Variants in ABCG2 observed in about 807,000 individuals in gnomAD.
ABCG2 encodes broad substrate specificity ATP-binding cassette transporter ABCG2.
Under a neutral mutation model 73.5 loss-of-function variants are expected in ABCG2, and 80 were observed. The observed-to-expected ratio is 1.09, with a 90% CI of 0.91 to 1.31. ABCG2 has a LOEUF of 1.31. Ranked by LOEUF, ABCG2 falls within the 50% of genes most tolerant of loss-of-function variation. The pLI is 0.00. For synonymous variants in ABCG2, 269 were observed against 282.4 expected, an observed-to-expected ratio of 0.95 and a Z score of 0.48; for missense variants, 796 against 786.2, an observed-to-expected ratio of 1.01 and a Z score of -0.15.
chr4:88,213,884 T>C (rs1472761907), intron 1 of ABCG2, among the ~76,000 whole-genome samples: 1 of 151,702 alleles, frequency 6.6e-6, no homozygotes, highest in Non-Finnish European at 1.5e-5. Context: ...GGTTTCACCA[T>C]GTTGGCAAGG....
At chr4:88,175,311 G>T (rs7658211) in intron 1 of ABCG2, among the ~76,000 whole-genome samples, 1 of 151,952 alleles carries the variant, frequency 6.6e-6, no homozygotes, top group Non-Finnish European at 1.5e-5. Flanking sequence ...GTATACTTCC[G>T]TTAGGAAGCT....
chr4:88,189,265 A>T (rs1728588133), intron 1 of ABCG2, among the ~76,000 whole-genome samples: 1 of 152,162 alleles, frequency 6.6e-6, no homozygotes, highest in African/African-American at 2.4e-5. Context: ...CAACTAGGCC[A>T]GGTGCAATGA....
At chr4:88,100,328 C>G (rs1722308528) in intron 11 of ABCG2, among the ~76,000 whole-genome samples, 1 of 151,968 alleles carries the variant, frequency 6.6e-6, no homozygotes, top group South Asian at 2.1e-4. Flanking sequence ...GGCGAAACCC[C>G]ATCTCTACTA....
chr4:88,163,114 C>T (rs1357738364), upstream of ABCG2, among the ~76,000 whole-genome samples: 3 of 152,142 alleles, frequency 2.0e-5, no homozygotes, highest in South Asian at 4.2e-4. Flanking sequence ...GTATTCAGTC[C>T]GAGTATATCT....
intron 5 of ABCG2, among the ~76,000 whole-genome samples, chr4:88,127,948 A>G (rs1445165121): frequency 7.4e-5 from 11 of 148,450 alleles, no homozygotes; most frequent in Non-Finnish European, 1.6e-4. Context: ...TGCACAGCAA[A>G]AAAAAAGAAA....
At chr4:88,219,950 ACTT>A (rs144099929) in intron 1 of ABCG2, among the ~76,000 whole-genome samples, 5,647 of 152,092 alleles carry the variant, frequency 0.037, 152 homozygotes, top group Non-Finnish European at 0.054. Context: ...CATCTCTAGA[ACTT>A]CTTTCATCTT....
At chr4:88,205,843 C>G (rs967858734) in intron 1 of ABCG2, among the ~76,000 whole-genome samples, 2 of 152,100 alleles carry the variant, frequency 1.3e-5, no homozygotes, top group African/African-American at 2.4e-5. Context: ...CCACCACACC[C>G]GACTAATTTT....
intron 11 of ABCG2, 122 bp from the exon 12 acceptor site, chr4:88,099,570 C>T (rs1422209862): frequency 6.9e-6 from 7 of 1,019,448 alleles, no homozygotes; most frequent in Non-Finnish European, 9.7e-6. Context: ...CTTCCCACAT[C>T]CTCAGGGCTA....
chr4:88,155,461 A>G (rs952265774), intron 1 of ABCG2, among the ~76,000 whole-genome samples: 2 of 152,214 alleles, frequency 1.3e-5, no homozygotes, highest in African/African-American at 4.8e-5. Context: ...AGGTAATGTC[A>G]TCAGTTAAGG....
In ABCG2 at chr4:88,147,754, T is replaced by C. The variant is rs569958042; in HGVS notation, c.-19-7740A>G. ...AGATTTTGACAACTCTTCTACAGAA[T>C]TTAGATTCTGGTAAGATTACTGAAC... On this transcript the variant is annotated intron_variant, in intron 1 of 15. Coordinates refer to ENST00000237612, the MANE Select transcript of ABCG2 (RefSeq NM_004827.3). 1.5e-4 allele frequency among the ~76,000 whole-genome samples: 23 copies of C among 152,300 alleles called. No individual in the cohort carries two copies. The South Asian group carries it at 4.6e-3, about 30-fold the overall frequency.
intron 10 of ABCG2, among the ~76,000 whole-genome samples, chr4:88,106,368 T>C (rs901693778): frequency 3.9e-5 from 6 of 152,146 alleles, no homozygotes; most frequent in African/African-American, 1.4e-4. Flanking sequence ...GCAACCCAAG[T>C]TTCCATCTAT....
At chr4:88,130,719 A>C in intron 5 of ABCG2, among the ~76,000 whole-genome samples, 1 of 152,144 alleles carries the variant, frequency 6.6e-6, no homozygotes, top group South Asian at 2.1e-4. Flanking sequence ...AAAAGGAGGA[A>C]GAGAAAAAGA....
At chr4:88,127,991 C>G (rs547725002) in intron 5 of ABCG2, among the ~76,000 whole-genome samples, 5 of 150,240 alleles carry the variant, frequency 3.3e-5, no homozygotes, top group Admixed American at 2.0e-4. Flanking sequence ...AGTGAACAGG[C>G]AACCTACAGA....
At chr4:88,127,697 T>C (rs1027086428) in intron 5 of ABCG2, among the ~76,000 whole-genome samples, 1 of 152,098 alleles carries the variant, frequency 6.6e-6, no homozygotes, top group Non-Finnish European at 1.5e-5. Context: ...TAATAAATGG[T>C]GCTGGGAAAA....
chr4:88,113,438 G>T lies in ABCG2; in HGVS notation c.1059C>A (p.Ser353=). ...TGATCTTCTTCTTCTTCTCACCCCC[G>T]GAAAGTTGATGTAATTCAGCTTTTG... ...KETKAELHQL[S]GGEKKKKITV... is the part of the protein sequence containing the mutation. The change falls in exon 9 of 16, where the codon TCC becomes TCA. Residue 353 remains serine, a synonymous_variant. Coordinates refer to ENST00000237612, the MANE Select transcript of ABCG2 (RefSeq NM_004827.3). 1 of 1,614,050 alleles carries T rather than the reference G, an allele frequency of 6.2e-7. No individual in the cohort carries two copies. Among genetic ancestry groups the T allele is most frequent in the South Asian group, 1.1e-5 (1 of 91,072 alleles).
chr4:88,115,078 A>AGGCCGGGCGCGGTGGCTC lies in ABCG2; in HGVS notation c.842-21_842-20insGAGCCACCGCGCCCGGCC. ...GATAACCTATGAAAGAAGGCAGCTC[A>AGGCCGGGCGCGGTGGCTC]AAAACACAAACTTGATGGTCTTGGA... On this transcript the variant is annotated intron_variant, in intron 7 of 15. Transcript: ENST00000237612. 6.5e-7 allele frequency: 1 copy of AGGCCGGGCGCGGTGGCTC among 1,537,294 alleles called. No homozygotes were observed. Among genetic ancestry groups the AGGCCGGGCGCGGTGGCTC allele is most frequent in the Non-Finnish European group, 9.0e-7 (1 of 1,113,210 alleles).
chr4:88,155,591 T>C (rs923497941), intron 1 of ABCG2, among the ~76,000 whole-genome samples: 2 of 152,206 alleles, frequency 1.3e-5, no homozygotes, highest in African/African-American at 4.8e-5. Context: ...ACAAACTTTT[T>C]ATTATACATA....
intron 1 of ABCG2, among the ~76,000 whole-genome samples, chr4:88,194,992 A>G (rs1265547241): frequency 6.6e-6 from 1 of 152,232 alleles, no homozygotes; most frequent in East Asian, 1.9e-4. Context: ...TGTGGAGAAT[A>G]GACTTATGCC....
chr4:88,181,070 G>T (rs1335358724), intron 1 of ABCG2, among the ~76,000 whole-genome samples: 1 of 152,120 alleles, frequency 6.6e-6, no homozygotes, highest in Non-Finnish European at 1.5e-5. Flanking sequence ...TTGCTTGTTA[G>T]TTTGTTTATG....
Sources: gnomAD v4.1 joint callset for allele counts (sites outside exome capture counted in the v4.1 genomes callset) on GRCh38, gnomAD v4.1.1 for gene constraint, MANE v1.5 for transcripts, NCBI Gene and HGNC (gene_info 2026-07-23, HGNC 2026-07-21) for gene names.